Variants in PEPD observed in about 807,000 individuals in gnomAD.
PEPD encodes the protein peptidase D, also known as xaa-Pro dipeptidase.
A neutral mutation model predicts 60.7 loss-of-function variants in PEPD; 53 were observed. The observed-to-expected ratio is 0.87, with a 90% CI of 0.70 to 1.10. The LOEUF (loss-of-function observed/expected upper bound fraction) is 1.10, where lower values mean the gene tolerates loss of function less well. Ranked by LOEUF, PEPD falls within the 50% of genes least tolerant of loss-of-function variation. PEPD has a pLI of 0.00. For synonymous variants in PEPD, 267 were observed against 284.1 expected, an observed-to-expected ratio of 0.94 and a Z score of 0.60; for missense variants, 711 against 711.9, an observed-to-expected ratio of 1.00 and a Z score of 0.01.
chr19:33,422,543 T>C (rs1462101504), intron 9 of PEPD, among the ~76,000 whole-genome samples: 1 of 151,808 alleles, frequency 6.6e-6, no homozygotes, highest in Non-Finnish European at 1.5e-5. Flanking sequence ...ATCATCCATC[T>C]ACCCATCCAT....
chr19:33,457,713 C>G (rs375568198), intron 9 of PEPD, among the ~76,000 whole-genome samples: 48 of 152,322 alleles, frequency 3.2e-4, no homozygotes, highest in African/African-American at 1.2e-3. Context: ...GGTTTCACCG[C>G]GTTAGCCAGG....
At chr19:33,511,661 TGGA>T (rs776343689) in intron 2 of PEPD, 1 of 200,848 alleles carries the variant, frequency 5.0e-6, no homozygotes, top group Non-Finnish European at 1.0e-5. Flanking sequence ...AAAGGTATGG[TGGA>T]GGAGGATCTC....
At chr19:33,422,871 T>G (rs935070751) in intron 9 of PEPD, among the ~76,000 whole-genome samples, 13 of 141,546 alleles carry the variant, frequency 9.2e-5, no homozygotes, top group Admixed American at 1.4e-4. Flanking sequence ...TCTATATCTA[T>G]CCACCCATCC....
intron 11 of PEPD, among the ~76,000 whole-genome samples, chr19:33,404,384 G>C (rs1421709457): frequency 6.6e-6 from 1 of 152,160 alleles, no homozygotes; most frequent in Non-Finnish European, 1.5e-5. Context: ...ACCTGCAACA[G>C]CAGCCGGGGC....
At chr19:33,410,374 G>A (rs1968736191) in intron 11 of PEPD, among the ~76,000 whole-genome samples, 1 of 152,236 alleles carries the variant, frequency 6.6e-6, no homozygotes, top group Non-Finnish European at 1.5e-5. Context: ...CCGAGACTGA[G>A]TGTGTTCCTG....
intron 9 of PEPD, among the ~76,000 whole-genome samples, chr19:33,450,667 G>A (rs746819011): frequency 3.3e-5 from 5 of 152,182 alleles, no homozygotes; most frequent in Admixed American, 1.3e-4. Context: ...CTAAATAACC[G>A]TTGGTAAAAT....
At chr19:33,427,102 G>C (rs372792103) in intron 9 of PEPD, among the ~76,000 whole-genome samples, 1 of 152,250 alleles carries the variant, frequency 6.6e-6, no homozygotes, top group Non-Finnish European at 1.5e-5. Flanking sequence ...AGGAACAACA[G>C]GAACGCTATT....
At chr19:33,521,539 G>A (rs922108924) in intron 1 of PEPD, among the ~76,000 whole-genome samples, 5 of 152,226 alleles carry the variant, frequency 3.3e-5, no homozygotes, top group African/African-American at 7.2e-5. Flanking sequence ...CAGCCAGGAG[G>A]GTGGAGAGGA....
intron 11 of PEPD, among the ~76,000 whole-genome samples, chr19:33,406,260 T>C (rs1329787067): frequency 9.9e-5 from 15 of 152,214 alleles, no homozygotes; most frequent in Admixed American, 9.8e-4. Flanking sequence ...CTGTTCAAAC[T>C]GTGGGTCATG....
rs575113603 is a variant in PEPD, at chr19:33,411,883, C to T, written c.741-134G>A. ...CAGCACAGGCCCAGGCGTGGCTGGACCAGGTCCACAGCCAGAGGTAAGGCC... is the reference window on the plus strand; with the variant it reads ...CAGCACAGGCCCAGGCGTGGCTGGATCAGGTCCACAGCCAGAGGTAAGGCC... On this transcript the variant is annotated intron_variant, in intron 10 of 14. Transcript: ENST00000244137. 5 of 707,348 alleles carry T rather than the reference C, an allele frequency of 7.1e-6. No individual in the cohort carries two copies. The South Asian group carries it at 7.5e-5, about 11-fold the overall frequency. 43.8% of individuals were successfully genotyped at this position (707,348 alleles called of 1,614,324 possible). A position where few individuals can be genotyped will look rare whatever the true frequency, so the allele number is the denominator to read the frequency against.
rs370219399 is a variant in PEPD, at chr19:33,401,742, C to T, written c.946G>A (p.Val316Ile). The change falls in exon 12 of 15, where the codon GTC becomes ATC. Residue 316 changes from valine to isoleucine, a missense_variant. By Grantham distance (29) the Val-to-Ile change is conservative (BLOSUM62 3). Coordinates refer to ENST00000244137, the MANE Select transcript of PEPD (RefSeq NM_000285.4). The stretch of plus-strand genomic sequence containing the variant: ...TCACCTGGCTTCATGGCACCCATGA[C>T]GGCACGGGAGCTCCGCAGCACTGCC... The part of the protein sequence containing the change: ...YEAVLRSSRA[V>I]MGAMKPGVWW... The T allele has an allele frequency of 1.2e-4, 197 of 1,608,444 alleles. 1 individual carries two copies. Among genetic ancestry groups the T allele is most frequent in the South Asian group, 2.9e-4 (26 of 90,178 alleles).
At chr19:33,458,417 C>A (rs962962771) in intron 9 of PEPD, among the ~76,000 whole-genome samples, 1 of 144,982 alleles carries the variant, frequency 6.9e-6, no homozygotes, top group Non-Finnish European at 1.5e-5. Flanking sequence ...GTGTGTATGG[C>A]GTGTCATATG....
intron 6 of PEPD, among the ~76,000 whole-genome samples, chr19:33,485,654 C>T (rs921212704): frequency 2.6e-5 from 4 of 152,090 alleles, no homozygotes; most frequent in African/African-American, 7.2e-5. Context: ...TTCACATCTT[C>T]GGATATTAAT....
At chr19:33,447,749 TGAA>T (rs1175507235) in intron 9 of PEPD, among the ~76,000 whole-genome samples, 1 of 152,134 alleles carries the variant, frequency 6.6e-6, no homozygotes, top group Non-Finnish European at 1.5e-5. Flanking sequence ...CTGGGGCAGC[TGAA>T]GAAGGCAGCT....
At chr19:33,413,664 C>G in intron 9 of PEPD, 21 bp from the exon 10 acceptor site, 2 of 1,531,412 alleles carry the variant, frequency 1.3e-6, no homozygotes, top group Non-Finnish European at 1.8e-6. Context: ...AGAGACGCGT[C>G]AGGGTTGGGG....
rs377160531 is a variant in PEPD, at chr19:33,456,479, C to T, written c.671+6516G>A. Among the ~76,000 whole-genome samples the T allele has an allele frequency of 9.9e-5, 15 of 152,270 alleles. No individual in the cohort carries two copies. The South Asian group carries it at 2.9e-3, about 29-fold the overall frequency. ...ACTGCTCTCATGATAGGCTGGGGCC[C>T]GTCTCCAACAGCCAAGCAAGTGCTA... On this transcript the variant is annotated intron_variant, in intron 9 of 14. Transcript: ENST00000244137.
intron 9 of PEPD, among the ~76,000 whole-genome samples, chr19:33,418,031 C>T (rs1439131943): frequency 6.6e-6 from 1 of 152,212 alleles, no homozygotes; most frequent in Non-Finnish European, 1.5e-5. Context: ...TGCCCACCAT[C>T]CCTTCACAGC....
chr19:33,500,852 G>A (rs1210410507), intron 4 of PEPD, 86 bp downstream of exon 4: 12 of 821,502 alleles, frequency 1.5e-5, no homozygotes, highest in South Asian at 9.3e-5. Context: ...ATCCAGCAAG[G>A]TTGTGGCAGT....
At chr19:33,480,838 G>GTATATA (rs368332707) in intron 6 of PEPD, among the ~76,000 whole-genome samples, 72 of 128,860 alleles carry the variant, frequency 5.6e-4, no homozygotes, top group African/African-American at 1.9e-3. Flanking sequence ...GTGTGTGTGT[G>GTATATA]TGTATATCAA....
Sources: allele counts gnomAD v4.1 joint callset (sites outside exome capture counted in the v4.1 genomes callset), GRCh38; gene constraint gnomAD v4.1.1; transcripts MANE v1.5; gene names NCBI Gene and HGNC (gene_info 2026-07-23, HGNC 2026-07-21).